Variants in GPR55 observed in about 807,000 individuals in gnomAD.
GPR55 encodes the protein G protein-coupled receptor 55.
A neutral mutation model predicts 7.9 loss-of-function variants in GPR55; 6 were observed. That is an observed-to-expected ratio of 0.76 (90% confidence interval 0.41 to 1.49). GPR55 has a LOEUF of 1.49. Among genes scored for constraint, GPR55 ranks in the 40% most tolerant of loss-of-function variants. The probability of loss-of-function intolerance (pLI) is 0.01; values close to 1 mark genes in which losing one functional copy is unlikely to be tolerated. For missense variants in GPR55, 376 were observed against 406.0 expected (o/e 0.93, Z 0.63); for synonymous variants, 183 against 166.8 (o/e 1.10, Z -0.75).
chr2:230,957,513 G>T, intron 1 of GPR55: 1 of 362,586 alleles, frequency 2.8e-6, no homozygotes, highest in South Asian at 2.2e-5. Flanking sequence ...TGGGCGGGAC[G>T]GGGAGGGGCG....
chr2:230,960,885 C>T (rs750456548), exon 1 of GPR55: 1 of 152,116 alleles, frequency 6.6e-6, no homozygotes, highest in African/African-American at 2.4e-5. Flanking sequence ...GTCATAAAGT[C>T]CTGGGGTCCC....
Position 230,910,994 on chromosome 2 carries a change from G to C in GPR55, c.-32C>G. ...TCCTACAACACCAACAGATCAGACGGGGCTCCTTTCACTCTCTTGAAGTGA... is the reference window on the plus strand; with the variant it reads ...TCCTACAACACCAACAGATCAGACGCGGCTCCTTTCACTCTCTTGAAGTGA... On this transcript the variant is annotated 5_prime_UTR_variant, in exon 2 of 2. Coordinates refer to ENST00000650999, the MANE Select transcript of GPR55 (RefSeq NM_005683.4). The surrounding 1 kb of genome is among the most constrained non-coding windows in gnomAD (Gnocchi z 5.4). 1 of 1,562,396 alleles carries C rather than the reference G, an allele frequency of 6.4e-7. No homozygotes were observed. Among genetic ancestry groups the C allele is most frequent in the Admixed American group, 1.8e-5 (1 of 56,614 alleles).
intron 1 of GPR55, 149 bp from the exon 2 acceptor site, chr2:230,911,245 A>G: frequency 2.4e-6 from 1 of 421,744 alleles, no homozygotes; most frequent in Middle Eastern, 6.2e-4. Flanking sequence ...CCTGCTGTGC[A>G]TGGACATCTG....
intron 1 of GPR55, among the ~76,000 whole-genome samples, chr2:230,959,502 T>A (rs982091929): frequency 6.6e-6 from 1 of 151,842 alleles, no homozygotes; most frequent in Non-Finnish European, 1.5e-5. Context: ...TTCCCAGCAA[T>A]CCTATGAGGT....
At chr2:230,919,854 A>C (rs1690795012) in intron 1 of GPR55, among the ~76,000 whole-genome samples, 1 of 152,094 alleles carries the variant, frequency 6.6e-6, no homozygotes, top group African/African-American at 2.4e-5. Context: ...AATTTACTCA[A>C]TGGAAAATTT....
chr2:230,919,983 G>GA (rs1247840772), intron 1 of GPR55, among the ~76,000 whole-genome samples: 1 of 139,638 alleles, frequency 7.2e-6, no homozygotes, highest in African/African-American at 3.0e-5. Context: ...ACGCATAGAG[G>GA]GGAAAAAAAA....
rs1690893241 is a variant in GPR55, at chr2:230,923,846, C to T, written c.-135+1322G>A. On this transcript the variant is annotated intron_variant, in intron 1 of 1. Transcript: ENST00000650999. The surrounding 1 kb of genome is among the most constrained non-coding windows in gnomAD (Gnocchi z 4.1). ...AGTCTCTCCTCCTCGCTCACCCTGG[C>T]CCCCATCAGCATCACAAGCAAGAGC... is the stretch of plus-strand genomic sequence containing the variant. Among the ~76,000 whole-genome samples, 2 of 152,094 alleles carry T rather than the reference C, an allele frequency of 1.3e-5. No individual in the cohort carries two copies. The highest frequency in any genetic ancestry group is 2.9e-5 in the Non-Finnish European group (2 of 68,014).
rs777914367 is a variant in GPR55 at position 230,910,668 on chromosome 2, A to G, written c.295T>C (p.Cys99Arg). The G allele has an allele frequency of 6.2e-7, 1 of 1,613,390 alleles. No individual in the cohort carries two copies. The highest frequency in any genetic ancestry group is 2.2e-5 in the East Asian group (1 of 44,872). ...CCGTACATGCTGACGAAGTAAAGGCACTCCACCAGGGTGCACAGGGACGGG... is the reference window on the plus strand; with the variant it reads ...CCGTACATGCTGACGAAGTAAAGGCGCTCCACCAGGGTGCACAGGGACGGG... ...PFPSLCTLVECLYFVSMYGSV... is the reference protein window; with the variant it reads ...PFPSLCTLVERLYFVSMYGSV... Residue 99 changes from cysteine to arginine, a missense_variant, in exon 2 of 2, where the codon TGC (cysteine) becomes CGC (arginine). Coordinates refer to ENST00000650999, the MANE Select transcript of GPR55 (RefSeq NM_005683.4). This position sits in a 1 kb window ranked among gnomAD's most constrained non-coding sequence, Gnocchi z 5.4.
intron 1 of GPR55, among the ~76,000 whole-genome samples, chr2:230,936,468 G>T (rs1474370212): frequency 6.6e-6 from 1 of 152,182 alleles, no homozygotes; most frequent in Non-Finnish European, 1.5e-5. Context: ...ATGTGAAGAA[G>T]GACATGTTTG....
At chr2:230,920,544 A>G (rs893394563) in intron 1 of GPR55, among the ~76,000 whole-genome samples, 1 of 152,222 alleles carries the variant, frequency 6.6e-6, no homozygotes, top group Non-Finnish European at 1.5e-5. Context: ...CAGCCATCAC[A>G]TTATAAAAAT....
chr2:230,932,686 C>T (rs1428359600), intron 1 of GPR55, among the ~76,000 whole-genome samples: 1 of 152,164 alleles, frequency 6.6e-6, no homozygotes, highest in African/African-American at 2.4e-5. Context: ...CCTGCATGAG[C>T]CCCAATCTCT....
rs1187736897 is a variant in GPR55 at position 230,910,074 on chromosome 2, T to C, written c.889A>G (p.Met297Val). ...GAAGGCCGGTGGGCCCTGATGTTCA[T>C]GCGGAATTCTTTGATGACAAAGTAG... ...CYYFVIKEFR[M>V]NIRAHRPSRV... The change falls in exon 2 of 2, where the codon ATG (methionine) becomes GTG (valine). Residue 297 changes from methionine to valine, a missense_variant. Physicochemically the swap from Met to Val is conservative, Grantham distance 21. Transcript: ENST00000650999. This position sits in a 1 kb window ranked among gnomAD's most constrained non-coding sequence, Gnocchi z 5.4. 5 of 1,613,946 alleles carry C rather than the reference T, an allele frequency of 3.1e-6. No individual in the cohort carries two copies. In the East Asian group the frequency reaches 8.9e-5, roughly 29 times the overall value.
chr2:230,940,923 C>G (rs1410387013), intron 1 of GPR55, among the ~76,000 whole-genome samples: 1 of 152,096 alleles, frequency 6.6e-6, no homozygotes, highest in African/African-American at 2.4e-5. Flanking sequence ...TCTAGACCAG[C>G]CTGGGCAATA....
At chr2:230,929,074 G>A (rs925043577), upstream of GPR55, among the ~76,000 whole-genome samples, 10 of 152,056 alleles carry the variant, frequency 6.6e-5, no homozygotes, top group Admixed American at 3.9e-4. Flanking sequence ...GGCTGGTCTC[G>A]GACTCCTGGA....
chr2:230,936,047 G>A (rs990085306), intron 1 of GPR55, among the ~76,000 whole-genome samples: 1 of 152,190 alleles, frequency 6.6e-6, no homozygotes, highest in African/African-American at 2.4e-5. Context: ...AGAGTGAACT[G>A]TGGGGAAGAG....
chr2:230,945,783 A>G (rs978953247), intron 1 of GPR55, among the ~76,000 whole-genome samples: 1 of 152,196 alleles, frequency 6.6e-6, no homozygotes, highest in Non-Finnish European at 1.5e-5. Flanking sequence ...CGTGTTAGCC[A>G]GGATGGTCTC....
rs1281241905 is a variant in GPR55, at chr2:230,923,366, C to T, written c.-135+1802G>A. 2.0e-5 allele frequency among the ~76,000 whole-genome samples: 3 copies of T among 152,230 alleles called. No homozygotes were observed. The highest frequency in any genetic ancestry group is 7.2e-5 in the African/African-American group (3 of 41,464). On this transcript the variant is annotated intron_variant, in intron 1 of 1. Transcript: ENST00000650999. The surrounding 1 kb of genome is among the most constrained non-coding windows in gnomAD (Gnocchi z 4.1). Reference sequence around the variant, plus strand: ...ATGGCAGGGCCAGAGCCTAAAAAAGCAGCATTGGCACAGCCGCAGGGATGG... The same window carrying T: ...ATGGCAGGGCCAGAGCCTAAAAAAGTAGCATTGGCACAGCCGCAGGGATGG...
Position 230,953,064 on chromosome 2 carries a change from G to A in GPR55, c.-135+7711C>T, listed in dbSNP as rs1200511250. 2.0e-5 allele frequency among the ~76,000 whole-genome samples: 3 copies of A among 152,176 alleles called. No homozygotes were observed. The South Asian group carries it at 6.2e-4, about 32-fold the overall frequency. On this transcript the variant is annotated intron_variant, in intron 1 of 1. Coordinates refer to the GPR55 transcript ENST00000392039. ...TTGGGTGCAGTGGCTAAGGAAGCAT[G>A]CGCACCCCAGAAAAGCTAGTTCCCA...
rs907351446 is a variant in GPR55 at position 230,923,480 on chromosome 2, C to T, written c.-135+1688G>A. On this transcript the variant is annotated intron_variant, in intron 1 of 1. Coordinates refer to ENST00000650999, the MANE Select transcript of GPR55 (RefSeq NM_005683.4). This position sits in a 1 kb window ranked among gnomAD's most constrained non-coding sequence, Gnocchi z 4.1. ...AGTAACACCATAGTGTGAATAAAGT[C>T]ATCCGCCTGTGCCTGAGCTGGGCTT... Among the ~76,000 whole-genome samples the T allele has an allele frequency of 1.3e-5, 2 of 152,230 alleles. No individual in the cohort carries two copies. The highest frequency in any genetic ancestry group is 4.8e-5 in the African/African-American group (2 of 41,452).
Sources: gnomAD v4.1 joint callset for allele counts (sites outside exome capture counted in the v4.1 genomes callset) on GRCh38, gnomAD v4.1.1 for gene constraint, Gnocchi (gnomAD v3.1) non-coding constraint, MANE v1.5 for transcripts, NCBI Gene and HGNC (gene_info 2026-07-23, HGNC 2026-07-21) for gene names.